The following CAMK4 variants were observed in gnomAD, a reference collection of about 807,000 sequenced individuals.
CAMK4 encodes calcium/calmodulin dependent protein kinase IV, also known as calcium/calmodulin-dependent protein kinase type IV.
A neutral mutation model predicts 44.9 loss-of-function variants in CAMK4; 22 were observed. The ratio of observed to expected loss-of-function variants is 0.49; its 90% CI spans 0.35 to 0.70. The LOEUF is 0.70. CAMK4 is among the 30% of genes least tolerant of loss of function. CAMK4 has a pLI of 0.01. For synonymous variants in CAMK4, 218 were observed against 215.4 expected (o/e 1.01, Z -0.11); for missense variants, 498 against 586.8 (o/e 0.85, Z 1.56).
intron 1 of CAMK4, among the ~76,000 whole-genome samples, chr5:111,244,591 A>G (rs1422848763): frequency 6.6e-6 from 1 of 152,246 alleles, no homozygotes; most frequent in East Asian, 1.9e-4. Context: ...GTCTGGGCGC[A>G]GTGGCACACG....
At chr5:111,314,047 T>A (rs571982270) in intron 1 of CAMK4, among the ~76,000 whole-genome samples, 1 of 152,158 alleles carries the variant, frequency 6.6e-6, no homozygotes, top group South Asian at 2.1e-4. Context: ...ATTTTGTTTT[T>A]CTGTAGAAGC....
rs572925324 is a variant in CAMK4, at chr5:111,377,324, C to T, written c.386+382C>T. ...TAAAAAATTAAACATGTACTCTGTC[C>T]TCTGTTATGATCCAAAAGCTCATAA... On this transcript the variant is annotated intron_variant, in intron 4 of 10. Coordinates refer to ENST00000282356, the MANE Select transcript of CAMK4 (RefSeq NM_001744.6). Among the ~76,000 whole-genome samples the T allele has an allele frequency of 2.6e-5, 4 of 151,918 alleles. No homozygotes were observed. In the South Asian group the frequency reaches 8.4e-4, roughly 32 times the overall value.
chr5:111,277,029 C>T (rs936317824), intron 1 of CAMK4, among the ~76,000 whole-genome samples: 1 of 152,178 alleles, frequency 6.6e-6, no homozygotes, highest in African/African-American at 2.4e-5. Flanking sequence ...ATGAAAATCT[C>T]CCCACTTGAC....
chr5:111,430,852 G>A (rs565206704), intron 5 of CAMK4, among the ~76,000 whole-genome samples: 15 of 151,594 alleles, frequency 9.9e-5, no homozygotes, highest in Non-Finnish European at 1.8e-4. Flanking sequence ...TCGAAGAATC[G>A]GTATTATTAA....
chr5:111,423,126 A>C (rs555171520), intron 5 of CAMK4, among the ~76,000 whole-genome samples: 2 of 152,338 alleles, frequency 1.3e-5, no homozygotes, highest in Non-Finnish European at 2.9e-5. Flanking sequence ...AACTGGCCTT[A>C]TATCCATGGT....
Position 111,471,370 on chromosome 5 carries a change from C to T in CAMK4, c.626-1941C>T, listed in dbSNP as rs1380778367. Among the ~76,000 whole-genome samples the T allele has an allele frequency of 2.0e-5, 3 of 152,306 alleles. No individual in the cohort carries two copies. The East Asian group carries it at 5.8e-4, about 29-fold the overall frequency. On this transcript the variant is annotated intron_variant, in intron 7 of 10. Transcript: ENST00000282356. ...CTCAAAAATTGATGTGGATGATCTG[C>T]CACTGTGGGCTTTGTCTTCAACATT...
chr5:111,389,226 T>A (rs1329274713), intron 4 of CAMK4, among the ~76,000 whole-genome samples: 1 of 152,152 alleles, frequency 6.6e-6, no homozygotes, highest in Non-Finnish European at 1.5e-5. Context: ...GGGTGTCTTT[T>A]ATAAAGGCAT....
intron 2 of CAMK4, among the ~76,000 whole-genome samples, chr5:111,358,593 G>A (rs1048286091): frequency 5.3e-5 from 8 of 151,738 alleles, no homozygotes; most frequent in African/African-American, 1.9e-4. Flanking sequence ...TTAGGTTCAG[G>A]GGATACATAT....
intron 6 of CAMK4, among the ~76,000 whole-genome samples, chr5:111,447,817 T>G (rs1754082351): frequency 6.6e-6 from 1 of 152,208 alleles, no homozygotes. Context: ...TGCAAGAACC[T>G]AAGGAAAAAA....
chr5:111,492,221 C>T lies in CAMK4; in HGVS notation c.*7755C>T, dbSNP rs371782449. The stretch of plus-strand genomic sequence containing the variant: ...TCCGTTTGACTTTCAACATCTGTAA[C>T]CAAAAGGTCACAAATGAAATATTTA... On this transcript the variant is annotated 3_prime_UTR_variant, in exon 11 of 11. Transcript: ENST00000282356. 7.9e-5 allele frequency: 12 copies of T among 152,066 alleles called. No homozygotes were observed. The highest frequency in any genetic ancestry group is 7.9e-4 in the Admixed American group (12 of 15,268). The allele number at this position is 152,066 out of a possible 1,614,324, so 9.4% of individuals were successfully genotyped here.
At chr5:111,451,041 A>G (rs1393553689) in intron 7 of CAMK4, among the ~76,000 whole-genome samples, 1 of 152,162 alleles carries the variant, frequency 6.6e-6, no homozygotes, top group Non-Finnish European at 1.5e-5. Context: ...GTGCGATAAT[A>G]TATTCATTGA....
intron 5 of CAMK4, among the ~76,000 whole-genome samples, chr5:111,415,906 T>C (rs1752798455): frequency 6.6e-6 from 1 of 152,226 alleles, no homozygotes; most frequent in African/African-American, 2.4e-5. Flanking sequence ...CTAGTTATTA[T>C]AAGTAATCTA....
At chr5:111,311,918 T>C (rs1012386549) in intron 1 of CAMK4, among the ~76,000 whole-genome samples, 1 of 152,174 alleles carries the variant, frequency 6.6e-6, no homozygotes, top group African/African-American at 2.4e-5. Context: ...TTCCTTGGTA[T>C]TTTTTAGCTG....
intron 5 of CAMK4, among the ~76,000 whole-genome samples, chr5:111,427,804 G>A: frequency 6.6e-6 from 1 of 152,232 alleles, no homozygotes; most frequent in East Asian, 1.9e-4. Context: ...GCGGGGGCCT[G>A]GGGACCTCAC....
chr5:111,319,374 C>G, intron 1 of CAMK4, among the ~76,000 whole-genome samples: 1 of 152,158 alleles, frequency 6.6e-6, no homozygotes, highest in East Asian at 1.9e-4. Context: ...TTAACTATGT[C>G]TTTTTGAACA....
rs1309629895 is a variant in CAMK4, at chr5:111,303,745, C to T, written c.162-40279C>T. On this transcript the variant is annotated intron_variant, in intron 1 of 10. Transcript: ENST00000282356. ...GTTCAGATTCAGGAAATACAGAGAA[C>T]GCCACAGAGATACTCCTCGAGAAGA... Among the ~76,000 whole-genome samples, 8 of 148,760 alleles carry T rather than the reference C, an allele frequency of 5.4e-5. No individual in the cohort carries two copies. The South Asian group carries it at 6.3e-4, about 12-fold the overall frequency.
At chr5:111,406,041 C>T (rs1354884100) in intron 5 of CAMK4, among the ~76,000 whole-genome samples, 1 of 146,478 alleles carries the variant, frequency 6.8e-6, no homozygotes, top group African/African-American at 2.5e-5. Context: ...AACTTTCTCA[C>T]CTTTATTAAC....
intron 5 of CAMK4, among the ~76,000 whole-genome samples, chr5:111,396,199 A>G (rs534139339): frequency 2.8e-4 from 42 of 152,306 alleles, no homozygotes; most frequent in African/African-American, 8.4e-4. Context: ...ATTAATGCCA[A>G]TTTTAATTGG....
chr5:111,226,402 A>G (rs928620369), intron 1 of CAMK4, among the ~76,000 whole-genome samples: 4 of 152,232 alleles, frequency 2.6e-5, no homozygotes, highest in Non-Finnish European at 5.9e-5. Context: ...TTGGAGGACA[A>G]ATATTAATCG....
Sources: gnomAD v4.1 joint callset for allele counts (sites outside exome capture counted in the v4.1 genomes callset) on GRCh38, gnomAD v4.1.1 for gene constraint, MANE v1.5 for transcripts, NCBI Gene and HGNC (gene_info 2026-07-23, HGNC 2026-07-21) for gene names.